HCN1: variants seen among roughly 807,000 people sequenced by gnomAD.
HCN1 encodes the protein hyperpolarization activated cyclic nucleotide gated potassium channel 1.
Under a neutral mutation model 78.9 loss-of-function variants are expected in HCN1, and 13 were observed. That is an observed-to-expected ratio of 0.16 (90% CI 0.11 to 0.26). HCN1 has a LOEUF of 0.26. Among genes scored for constraint, HCN1 ranks in the 10% least tolerant of loss-of-function variants. The pLI is 1.00. For missense variants in HCN1, 810 were observed against 1,154.3 expected, an observed-to-expected ratio of 0.70 and a Z score of 4.32; for synonymous variants, 552 against 455.5, an observed-to-expected ratio of 1.21 and a Z score of -2.70.
At position 45,598,153 on chromosome 5, in the gene HCN1, C is replaced by T. The variant is rs892130956; in HGVS notation, c.849+47032G>A. Among the ~76,000 whole-genome samples the T allele has an allele frequency of 4.6e-5, 7 of 152,088 alleles. No individual in the cohort carries two copies. The South Asian group carries it at 6.2e-4, about 14-fold the overall frequency. On this transcript the variant is annotated intron_variant, in intron 2 of 7. Transcript: ENST00000303230. ...ACAAAGCTGGAGGCATGACGATACC[C>T]GACTTCAAACTATACTACAAGGCTA...
At chr5:45,347,853 T>C (rs1336468553) in intron 5 of HCN1, among the ~76,000 whole-genome samples, 1 of 151,974 alleles carries the variant, frequency 6.6e-6, no homozygotes, top group East Asian at 1.9e-4. Context: ...CTCCAAGAAA[T>C]ATGGGATTAT....
intron 2 of HCN1, among the ~76,000 whole-genome samples, chr5:45,612,847 ATTCCAGAGAAACAAAGTGTGTG>A (rs916444971): frequency 1.1e-4 from 16 of 152,200 alleles, no homozygotes; most frequent in African/African-American, 3.6e-4. Context: ...CAATTATTGT[ATTCCAGAGAAACAAAGTGTGTG>A]TTCCAGAGAA....
At chr5:45,269,479 G>T (rs1744920058) in intron 6 of HCN1, among the ~76,000 whole-genome samples, 2 of 151,400 alleles carry the variant, frequency 1.3e-5, no homozygotes, top group South Asian at 2.1e-4. Flanking sequence ...GTTTTCTTTT[G>T]GTAATCTATT....
chr5:45,278,930 A>C (rs1016028951), intron 6 of HCN1, among the ~76,000 whole-genome samples: 3 of 152,162 alleles, frequency 2.0e-5, no homozygotes, highest in African/African-American at 4.8e-5. Flanking sequence ...AAATAAAAGC[A>C]AAAATGAAAG....
At chr5:45,333,057 A>G (rs1746378588) in intron 5 of HCN1, among the ~76,000 whole-genome samples, 1 of 151,740 alleles carries the variant, frequency 6.6e-6, no homozygotes, top group African/African-American at 2.4e-5. Context: ...TTTTTGAGGA[A>G]GCTCCAAACT....
chr5:45,608,653 A>T (rs758539909), intron 2 of HCN1, among the ~76,000 whole-genome samples: 1 of 152,016 alleles, frequency 6.6e-6, no homozygotes, highest in Non-Finnish European at 1.5e-5. Context: ...TTTGATGGAA[A>T]ATGACATAAC....
chr5:45,344,775 C>A (rs1339705597), intron 5 of HCN1, among the ~76,000 whole-genome samples: 1 of 152,182 alleles, frequency 6.6e-6, no homozygotes, highest in Admixed American at 6.5e-5. Flanking sequence ...GCCCATCTAC[C>A]AGCTGCTTTC....
chr5:45,265,564 A>G (rs962222369), intron 7 of HCN1, among the ~76,000 whole-genome samples: 5 of 152,160 alleles, frequency 3.3e-5, no homozygotes, highest in Admixed American at 6.5e-5. Context: ...TCAGATCTCT[A>G]TGCAGTCTGC....
At position 45,462,013 on chromosome 5, in the gene HCN1, G is replaced by A; in HGVS notation, c.850-6C>T. 6.2e-7 allele frequency: 1 copy of A among 1,610,530 alleles called. No homozygotes were observed. Among genetic ancestry groups the A allele is most frequent in the Non-Finnish European group, 8.5e-7 (1 of 1,177,662 alleles). ...TCATATGTCATGTGGAATATCTGTT[G>A]ACCAAAATATAAAATCAATTCTTAT... is the stretch of plus-strand genomic sequence containing the variant. On this transcript the variant is annotated splice_polypyrimidine_tract_variant and splice_region_variant and intron_variant, in intron 2 of 7. Transcript: ENST00000303230.
intron 5 of HCN1, among the ~76,000 whole-genome samples, chr5:45,347,653 T>C (rs1167241266): frequency 1.3e-5 from 2 of 151,780 alleles, no homozygotes; most frequent in South Asian, 4.2e-4. Context: ...GAATAACCAA[T>C]ATAGAGAAGT....
At chr5:45,660,620 C>A (rs1189881912) in intron 1 of HCN1, among the ~76,000 whole-genome samples, 14 of 151,552 alleles carry the variant, frequency 9.2e-5, no homozygotes, top group African/African-American at 2.4e-4. Flanking sequence ...TCTACCAAGC[C>A]AATGGAAAAC....
chr5:45,262,883 C>G, intron 7 of HCN1, 73 bp from the exon 8 acceptor site: 1 of 1,514,718 alleles, frequency 6.6e-7, no homozygotes, highest in African/African-American at 1.4e-5. Flanking sequence ...GAGAGTGGCT[C>G]CTGCAAACAG....
chr5:45,484,861 G>C (rs1741725730), intron 2 of HCN1, among the ~76,000 whole-genome samples: 1 of 152,136 alleles, frequency 6.6e-6, no homozygotes. Context: ...TACTGATTTT[G>C]TGCATGAGCT....
chr5:45,613,366 G>A (rs1328630441), intron 2 of HCN1, among the ~76,000 whole-genome samples: 3 of 151,854 alleles, frequency 2.0e-5, no homozygotes, highest in African/African-American at 7.3e-5. Flanking sequence ...AGTATTCCAT[G>A]GTGTATATGT....
chr5:45,283,161 T>A (rs1041100143), intron 6 of HCN1, among the ~76,000 whole-genome samples: 1 of 152,164 alleles, frequency 6.6e-6, no homozygotes, highest in Non-Finnish European at 1.5e-5. Context: ...AATGCACAAG[T>A]ATTTTCTATC....
intron 2 of HCN1, among the ~76,000 whole-genome samples, chr5:45,496,626 T>A (rs1482228860): frequency 6.6e-6 from 1 of 152,158 alleles, no homozygotes; most frequent in Non-Finnish European, 1.5e-5. Context: ...TAGCGGTCTA[T>A]CAATTTTGTT....
At chr5:45,535,786 A>T (rs1477010165) in intron 2 of HCN1, among the ~76,000 whole-genome samples, 5 of 152,212 alleles carry the variant, frequency 3.3e-5, no homozygotes, top group Admixed American at 3.3e-4. Context: ...ATATGAAAAT[A>T]TACATACAGA....
chr5:45,413,221 A>G (rs937340214), intron 3 of HCN1, among the ~76,000 whole-genome samples: 16 of 152,112 alleles, frequency 1.1e-4, no homozygotes, highest in Admixed American at 1.1e-3. Context: ...CAGAACATTT[A>G]TTATTCACAA....
chr5:45,695,966 G>C lies in HCN1; in HGVS notation c.128C>G (p.Pro43Arg). 3.0e-6 allele frequency: 4 copies of C among 1,324,782 alleles called. No individual in the cohort carries two copies. Among genetic ancestry groups the C allele is most frequent in the Non-Finnish European group, 3.8e-6 (4 of 1,045,238 alleles). The allele number at this position is 1,324,782 out of a possible 1,614,324, so 82.1% of individuals were successfully genotyped here. A position where few individuals can be genotyped will look rare whatever the true frequency, so the allele number is the denominator to read the frequency against. ...AAAEKRLGTP[P>R]GGGGAGAKEH... ...CTTCGCGCCGGCCCCGCCGCCCCCCGGCGGGGTGCCCAGGCGCTTCTCGGC... is the reference window on the plus strand; with the variant it reads ...CTTCGCGCCGGCCCCGCCGCCCCCCCGCGGGGTGCCCAGGCGCTTCTCGGC... The change falls in exon 1 of 8, where the codon CCG (proline) becomes CGG (arginine). Residue 43 changes from proline (P) to arginine (R), a missense_variant. Coordinates refer to ENST00000303230, the MANE Select transcript of HCN1 (RefSeq NM_021072.4).
Sources: allele counts gnomAD v4.1 joint callset (sites outside exome capture counted in the v4.1 genomes callset), GRCh38; gene constraint gnomAD v4.1.1; transcripts MANE v1.5; gene names NCBI Gene and HGNC (gene_info 2026-07-23, HGNC 2026-07-21).